The following SNAP91 variants were observed in gnomAD, a reference collection of about 807,000 sequenced individuals.
The protein encoded by SNAP91 is synaptosome associated protein 91.
Under a neutral mutation model 100.3 loss-of-function variants are expected in SNAP91, and 27 were observed. That is an observed-to-expected ratio of 0.27 (90% CI 0.20 to 0.37). SNAP91 has a LOEUF of 0.37. Ranked by LOEUF, SNAP91 falls within the 10% of genes least tolerant of loss-of-function variation. The pLI is 1.00. For synonymous variants in SNAP91, 404 were observed against 398.6 expected, an observed-to-expected ratio of 1.01 and a Z score of -0.16; for missense variants, 986 against 1,123.7, an observed-to-expected ratio of 0.88 and a Z score of 1.75.
chr6:83,705,123 T>C (rs1369189027), intron 2 of SNAP91, among the ~76,000 whole-genome samples: 1 of 152,240 alleles, frequency 6.6e-6, no homozygotes, highest in Non-Finnish European at 1.5e-5. Context: ...ATTAGTAATG[T>C]GATAACTATG....
intron 9 of SNAP91, among the ~76,000 whole-genome samples, chr6:83,618,781 G>A (rs2096598972): frequency 1.3e-5 from 2 of 151,352 alleles, no homozygotes; most frequent in African/African-American, 4.8e-5. Context: ...ATCGCAGTAA[G>A]GAAAAAAAAT....
At chr6:83,628,791 A>C (rs1167315178) in intron 8 of SNAP91, among the ~76,000 whole-genome samples, 1 of 151,966 alleles carries the variant, frequency 6.6e-6, no homozygotes, top group Non-Finnish European at 1.5e-5. Flanking sequence ...GATTGTGAAG[A>C]TTCTTTCCCA....
chr6:83,688,784 A>G (rs1024255218), intron 2 of SNAP91, among the ~76,000 whole-genome samples: 2 of 152,138 alleles, frequency 1.3e-5, no homozygotes, highest in Non-Finnish European at 2.9e-5. Context: ...CACCATTTCT[A>G]AAAAGCCTTT....
At chr6:83,699,163 A>G (rs2099260449) in intron 2 of SNAP91, among the ~76,000 whole-genome samples, 1 of 152,192 alleles carries the variant, frequency 6.6e-6, no homozygotes, top group Admixed American at 6.5e-5. Context: ...ACTAGCCAAC[A>G]TGACCTCAGA....
chr6:83,609,931 G>A (rs572873422), intron 12 of SNAP91, among the ~76,000 whole-genome samples: 20 of 152,206 alleles, frequency 1.3e-4, no homozygotes, highest in East Asian at 1.2e-3. Flanking sequence ...ATATAAATAC[G>A]TGAAAATCTC....
intron 7 of SNAP91, among the ~76,000 whole-genome samples, chr6:83,650,271 T>C (rs888895148): frequency 2.6e-5 from 4 of 152,226 alleles, no homozygotes; most frequent in African/African-American, 9.6e-5. Flanking sequence ...TTGGAAGACA[T>C]CTAAGACATT....
At position 83,628,222 on chromosome 6, in the gene SNAP91, C is replaced by CATATATATATATATAT. The variant is rs57893971; in HGVS notation, c.766-4896_766-4881dup. Among the ~76,000 whole-genome samples the CATATATATATATATAT allele has an allele frequency of 4.0e-3, 496 of 124,632 alleles. 9 individuals carry two copies. Among genetic ancestry groups the CATATATATATATATAT allele is most frequent in the Middle Eastern group, 8.7e-3 (2 of 230 alleles). The allele number at this position is 124,632 out of a possible 152,430, so 81.8% of individuals were successfully genotyped here. A position where few individuals can be genotyped will look rare whatever the true frequency, so the allele number is the denominator to read the frequency against. ...TATAGCTAAGTAATATTCCATTTTA[C>CATATATATATATATAT]ATATATATATATATATATATATATC... On this transcript the variant is annotated intron_variant, in intron 8 of 29. Transcript: ENST00000369694.
At position 83,553,542 on chromosome 6, in the gene SNAP91, G is replaced by T. The variant is rs1320534270; in HGVS notation, c.*754C>A. The T allele has an allele frequency of 1.3e-5, 2 of 151,846 alleles. No homozygotes were observed. The highest frequency in any genetic ancestry group is 2.9e-5 in the Non-Finnish European group (2 of 67,962). The allele number at this position is 151,846 out of a possible 1,614,324, so 9.4% of individuals were successfully genotyped here. A position where few individuals can be genotyped will look rare whatever the true frequency, so the allele number is the denominator to read the frequency against. The stretch of plus-strand genomic sequence containing the variant: ...CTTTTCAGTGCATTTAATCAAGAAT[G>T]AATAAATAGGTCAATTTAGATGCAA... On this transcript the variant is annotated 3_prime_UTR_variant, in exon 30 of 30. Coordinates refer to ENST00000369694, the MANE Select transcript of SNAP91 (RefSeq NM_001242792.2).
At chr6:83,589,526 A>G (rs1014836510) in intron 22 of SNAP91, among the ~76,000 whole-genome samples, 1 of 152,232 alleles carries the variant, frequency 6.6e-6, no homozygotes, top group South Asian at 2.1e-4. Flanking sequence ...GCTTCTCAGC[A>G]TAAGTTCTCA....
At chr6:83,593,820 G>T in intron 17 of SNAP91, 79 bp from the exon 18 acceptor site, 1 of 1,502,982 alleles carries the variant, frequency 6.7e-7, no homozygotes, top group East Asian at 2.3e-5. Flanking sequence ...TATGGCAAGA[G>T]ACACCTTATA....
chr6:83,556,191 C>T lies in SNAP91; in HGVS notation c.2686G>A (p.Asp896Asn). 1 of 1,575,660 alleles carries T rather than the reference C, an allele frequency of 6.3e-7. No homozygotes were observed. The highest frequency in any genetic ancestry group is 8.6e-7 in the Non-Finnish European group (1 of 1,160,548). ...SQSPKKPPAK[D>N]PLADLNIKDF... The stretch of plus-strand genomic sequence containing the variant: ...TTGATGTTAAGATCCGCTAATGGGT[C>T]CTTTGCTGGAGGTTTCTTGGGACTC... The change falls in exon 29 of 30, where the codon GAC becomes AAC. Residue 896 changes from aspartate to asparagine, a missense_variant. Transcript: ENST00000369694.
At chr6:83,567,532 G>T (rs953034847) in intron 26 of SNAP91, among the ~76,000 whole-genome samples, 69 of 152,236 alleles carry the variant, frequency 4.5e-4, no homozygotes, top group African/African-American at 1.6e-3. Context: ...CTTCTGCACA[G>T]CAAAAGAAAC....
intron 23 of SNAP91, among the ~76,000 whole-genome samples, chr6:83,581,413 T>A (rs79294205): frequency 0.023 from 3,553 of 152,326 alleles, 57 homozygotes; most frequent in Admixed American, 0.039. Context: ...AATAAGTTAC[T>A]AATTGTTCAG....
At chr6:83,645,065 C>T (rs140532710) in intron 7 of SNAP91, among the ~76,000 whole-genome samples, 1 of 152,178 alleles carries the variant, frequency 6.6e-6, no homozygotes, top group African/African-American at 2.4e-5. Flanking sequence ...ATTCTCAAGC[C>T]CCACCTCAGA....
chr6:83,599,784 TTTTAA>T (rs1453138508), intron 16 of SNAP91, among the ~76,000 whole-genome samples: 4 of 152,190 alleles, frequency 2.6e-5, no homozygotes, highest in African/African-American at 9.7e-5. Flanking sequence ...GGGTGGCTCT[TTTTAA>T]TTTAATTTTA....
At position 83,593,751 on chromosome 6, in the gene SNAP91, A is replaced by G. The variant is rs756660930; in HGVS notation, c.1433-10T>C. On this transcript the variant is annotated splice_polypyrimidine_tract_variant and intron_variant, in intron 17 of 29. Coordinates refer to ENST00000369694, the MANE Select transcript of SNAP91 (RefSeq NM_001242792.2). The stretch of plus-strand genomic sequence containing the variant: ...GACGGGGCAAAGGGGTCTTTTGGAA[A>G]GGAAAGTGGAGACACACACAGCATC... The G allele has an allele frequency of 1.2e-5, 18 of 1,547,194 alleles. No homozygotes were observed. The highest frequency in any genetic ancestry group is 1.6e-5 in the Non-Finnish European group (18 of 1,146,090).
intron 2 of SNAP91, among the ~76,000 whole-genome samples, chr6:83,672,551 G>T (rs535607838): frequency 6.6e-6 from 1 of 151,970 alleles, no homozygotes; most frequent in Admixed American, 6.6e-5. Flanking sequence ...GTCTCTCCCC[G>T]ACTGGAGCTC....
At chr6:83,628,567 C>T (rs1426258774) in intron 8 of SNAP91, among the ~76,000 whole-genome samples, 1 of 151,458 alleles carries the variant, frequency 6.6e-6, no homozygotes, top group Non-Finnish European at 1.5e-5. Flanking sequence ...GCCATTCTTG[C>T]AGGAGTAAGG....
At chr6:83,573,683 C>G (rs371494825) in intron 26 of SNAP91, among the ~76,000 whole-genome samples, 1 of 152,046 alleles carries the variant, frequency 6.6e-6, no homozygotes, top group South Asian at 2.1e-4. Flanking sequence ...ACAAACCTGA[C>G]AAAAACAAGA....
Sources: allele counts gnomAD v4.1 joint callset (sites outside exome capture counted in the v4.1 genomes callset), GRCh38; gene constraint gnomAD v4.1.1; transcripts MANE v1.5; gene names NCBI Gene and HGNC (gene_info 2026-07-23, HGNC 2026-07-21).